Variants in EYS observed in about 807,000 individuals in gnomAD.
The protein encoded by EYS is protein eyes shut homolog.
EYS carries 250 observed loss-of-function variants against 282.1 expected under a neutral mutation model. That is an observed-to-expected ratio of 0.89 (90% confidence interval 0.80 to 0.98). EYS has a LOEUF of 0.98. Among genes scored for constraint, EYS ranks in the 50% least tolerant of loss-of-function variants. The pLI is 0.00. For missense variants in EYS, 4,016 were observed against 3,709.0 expected (o/e 1.08, Z -2.15); for synonymous variants, 1,355 against 1,282.9 (o/e 1.06, Z -1.20).
intron 30 of EYS, among the ~76,000 whole-genome samples, chr6:64,270,434 T>C (rs1305973476): frequency 1.3e-5 from 2 of 152,000 alleles, no homozygotes; most frequent in Admixed American, 6.6e-5. Context: ...AAAGATTTAT[T>C]TGGGGTATTG....
chr6:65,387,705 GAT>G (rs1411246092), intron 7 of EYS, among the ~76,000 whole-genome samples: 7 of 151,928 alleles, frequency 4.6e-5, no homozygotes, highest in Non-Finnish European at 2.9e-5. Flanking sequence ...ACTAACTTCA[GAT>G]AGTTTTCTCT....
chr6:64,691,970 T>C (rs753838774), intron 22 of EYS, among the ~76,000 whole-genome samples: 1 of 152,180 alleles, frequency 6.6e-6, no homozygotes, highest in Non-Finnish European at 1.5e-5. Context: ...CACGAGTCCA[T>C]GTGTCTTTTT....
chr6:65,004,258 C>T (rs1176868699), intron 13 of EYS, among the ~76,000 whole-genome samples: 6 of 147,522 alleles, frequency 4.1e-5, no homozygotes, highest in African/African-American at 1.5e-4. Flanking sequence ...TCCTCATTCG[C>T]TGCACTTGTG....
At chr6:64,402,377 A>T (rs1198954563) in intron 28 of EYS, among the ~76,000 whole-genome samples, 1 of 152,228 alleles carries the variant, frequency 6.6e-6, no homozygotes. Flanking sequence ...GCTTTTGATT[A>T]AGGACTTAGA....
intron 26 of EYS, among the ~76,000 whole-genome samples, chr6:64,441,583 G>A (rs1053976507): frequency 9.9e-5 from 15 of 152,174 alleles, no homozygotes; most frequent in African/African-American, 3.4e-4. Context: ...CATTGATATC[G>A]TTTGGCTCTG....
chr6:64,596,767 CAG>C (rs1208564095), intron 24 of EYS, among the ~76,000 whole-genome samples: 2 of 152,004 alleles, frequency 1.3e-5, no homozygotes, highest in African/African-American at 4.8e-5. Flanking sequence ...TAGAAGAAAA[CAG>C]AGTAAATGCC....
chr6:65,296,136 T>C lies in EYS; in HGVS notation c.1767-17A>G, dbSNP rs1329598948. On this transcript the variant is annotated splice_polypyrimidine_tract_variant and intron_variant, in intron 11 of 42. Coordinates refer to ENST00000503581, the MANE Select transcript of EYS (RefSeq NM_001142800.2). ...CAGCTGCATCTGAAACACAGAGAAA[T>C]GAAAAACCCAATTAGTCATATACTT... The C allele has an allele frequency of 6.5e-7, 1 of 1,534,242 alleles. No homozygotes were observed. Among genetic ancestry groups the C allele is most frequent in the South Asian group, 1.3e-5 (1 of 79,490 alleles).
chr6:63,756,971 G>C (rs141093743), intron 41 of EYS, among the ~76,000 whole-genome samples: 1 of 152,030 alleles, frequency 6.6e-6, no homozygotes, highest in African/African-American at 2.4e-5. Context: ...CAAATTGATC[G>C]TAAAACATGT....
intron 26 of EYS, among the ~76,000 whole-genome samples, chr6:64,492,185 A>G (rs1776759316): frequency 6.6e-6 from 1 of 151,240 alleles, no homozygotes; most frequent in Non-Finnish European, 1.5e-5. Flanking sequence ...TACATCAGAA[A>G]TGAGAAAGTG....
chr6:64,526,358 A>C (rs1777919570), intron 26 of EYS, among the ~76,000 whole-genome samples: 1 of 151,856 alleles, frequency 6.6e-6, no homozygotes, highest in Non-Finnish European at 1.5e-5. Flanking sequence ...GACTATGTTG[A>C]ATCTCTGTAT....
At chr6:65,548,500 A>C (rs1768475424) in intron 2 of EYS, among the ~76,000 whole-genome samples, 1 of 152,134 alleles carries the variant, frequency 6.6e-6, no homozygotes, top group Admixed American at 6.5e-5. Flanking sequence ...GTAAATGTAC[A>C]CTTTTATTTT....
At chr6:64,189,749 C>A (rs1445030326) in intron 31 of EYS, among the ~76,000 whole-genome samples, 1 of 152,118 alleles carries the variant, frequency 6.6e-6, no homozygotes, top group African/African-American at 2.4e-5. Context: ...GAGTTTCTGG[C>A]CTGCTGACTT....
chr6:65,138,501 A>G (rs1430248059), intron 12 of EYS, among the ~76,000 whole-genome samples: 2 of 152,124 alleles, frequency 1.3e-5, no homozygotes, highest in Non-Finnish European at 2.9e-5. Context: ...ATTTCTGCTA[A>G]TAATGGCTAA....
At chr6:63,915,469 T>C (rs1486388406) in intron 35 of EYS, among the ~76,000 whole-genome samples, 2 of 152,248 alleles carry the variant, frequency 1.3e-5, no homozygotes, top group African/African-American at 2.4e-5. Flanking sequence ...AGTGTTTTCA[T>C]GCCTGCTGAT....
chr6:65,688,004 G>A (rs1057462746), intron 1 of EYS, among the ~76,000 whole-genome samples: 1 of 152,036 alleles, frequency 6.6e-6, no homozygotes, highest in Non-Finnish European at 1.5e-5. Flanking sequence ...ATGGCCATAT[G>A]GCCCAAGGTA....
intron 34 of EYS, among the ~76,000 whole-genome samples, chr6:63,984,922 A>G (rs539375352): frequency 6.6e-6 from 1 of 151,798 alleles, no homozygotes; most frequent in African/African-American, 2.4e-5. Context: ...TAGTGTAAAC[A>G]TTACCAAATA....
chr6:63,998,140 A>AGAGCCTGAGATAGAGCCTCC (rs1410618945), intron 34 of EYS, among the ~76,000 whole-genome samples: 6 of 152,194 alleles, frequency 3.9e-5, no homozygotes, highest in African/African-American at 1.4e-4. Context: ...GCTGGGAAAC[A>AGAGCCTGAGATAGAGCCTCC]GAGCCTGAGA....
At position 64,590,672 on chromosome 6, in the gene EYS, T is replaced by C. The variant is rs1446952779; in HGVS notation, c.5195A>G (p.His1732Arg). ...ACTTGGGTGAAGTTTGAACAGTGTATGAGATCCTTTACTTTTTTCCATGTC... is the reference window on the plus strand; with the variant it reads ...ACTTGGGTGAAGTTTGAACAGTGTACGAGATCCTTTACTTTTTTCCATGTC... ...LLDMEKSKGS[H>R]TLFKLHPSDS... Residue 1732 changes from histidine (H) to arginine (R), a missense_variant, in exon 26 of 43, where the codon CAT (histidine) becomes CGT (arginine). Transcript: ENST00000503581. 6.4e-7 allele frequency: 1 copy of C among 1,551,170 alleles called. No homozygotes were observed. The highest frequency in any genetic ancestry group is 8.7e-7 in the Non-Finnish European group (1 of 1,146,592).
chr6:64,738,354 G>T (rs1356417661), intron 22 of EYS, among the ~76,000 whole-genome samples: 1 of 152,160 alleles, frequency 6.6e-6, no homozygotes, highest in Non-Finnish European at 1.5e-5. Context: ...TTGTGTGACA[G>T]GTCTGTTCTT....
Sources: gnomAD v4.1 joint callset for allele counts (sites outside exome capture counted in the v4.1 genomes callset) on GRCh38, gnomAD v4.1.1 for gene constraint, MANE v1.5 for transcripts, NCBI Gene and HGNC (gene_info 2026-07-23, HGNC 2026-07-21) for gene names.